Variants in ZNF808 observed in about 807,000 individuals in gnomAD.
ZNF808 encodes the protein zinc finger protein 808.
A neutral mutation model predicts 8.7 loss-of-function variants in ZNF808; 5 were observed. That is an observed-to-expected ratio of 0.58 (90% CI 0.30 to 1.21). The LOEUF (loss-of-function observed/expected upper bound fraction) is 1.21, where lower values mean the gene tolerates loss of function less well. Among genes scored for constraint, ZNF808 ranks in the 50% most tolerant of loss-of-function variants. The pLI is 0.07. For synonymous variants in ZNF808, 380 were observed against 366.0 expected (o/e 1.04, Z -0.44); for missense variants, 1,103 against 1,098.4 (o/e 1.00, Z -0.06).
chr19:52,530,321 A>G (rs184136596), intron 1 of ZNF808, among the ~76,000 whole-genome samples: 58 of 152,138 alleles, frequency 3.8e-4, no homozygotes, highest in African/African-American at 1.3e-3. Flanking sequence ...CGGCCTCCCA[A>G]AGTGCTGGGA....
At position 52,554,349 on chromosome 19, in the gene ZNF808, C is replaced by G. The variant is rs775721088; in HGVS notation, c.1433C>G (p.Thr478Ser). Residue 478 changes from threonine to serine, a missense_variant, in exon 5 of 5, where the codon ACT becomes AGT. Physicochemically the swap from Thr to Ser is moderately conservative, Grantham distance 58. Coordinates refer to ENST00000359798, the MANE Select transcript of ZNF808 (RefSeq NM_001039886.4). ...CTGGCACGACATAGAAGAATTCACACTGGAGAGAAAACTTACAAGTGTAAT... is the reference window on the plus strand; with the variant it reads ...CTGGCACGACATAGAAGAATTCACAGTGGAGAGAAAACTTACAAGTGTAAT... ...SQLARHRRIH[T>S]GEKTYKCNEC... is the part of the protein sequence containing the mutation. 6 of 1,613,768 alleles carry G rather than the reference C, an allele frequency of 3.7e-6. No homozygotes were observed. The highest frequency in any genetic ancestry group is 3.4e-6 in the Non-Finnish European group (4 of 1,179,982).
At chr19:52,541,064 G>A (rs2059665296) in intron 2 of ZNF808, among the ~76,000 whole-genome samples, 1 of 151,988 alleles carries the variant, frequency 6.6e-6, no homozygotes, top group Non-Finnish European at 1.5e-5. Context: ...CAATTCTTTT[G>A]CCTCAGCCTC....
intron 1 of ZNF808, among the ~76,000 whole-genome samples, chr19:52,529,368 C>G (rs998334865): frequency 3.3e-5 from 5 of 152,038 alleles, no homozygotes; most frequent in African/African-American, 9.7e-5. Context: ...GTCAACAGAG[C>G]GAGATCTTGT....
At chr19:52,531,887 T>G (rs1393656848) in intron 1 of ZNF808, among the ~76,000 whole-genome samples, 1 of 152,232 alleles carries the variant, frequency 6.6e-6, no homozygotes, top group Non-Finnish European at 1.5e-5. Context: ...TTATTCCTTT[T>G]AATGCTGTGT....
chr19:52,535,840 C>G (rs1399008217), intron 2 of ZNF808: 1 of 152,314 alleles, frequency 6.6e-6, no homozygotes, highest in African/African-American at 2.4e-5. Flanking sequence ...AAAACAGGCG[C>G]TGGGTGCGAG....
chr19:52,538,403 C>T (rs1046886253), intron 2 of ZNF808, among the ~76,000 whole-genome samples: 2 of 151,518 alleles, frequency 1.3e-5, no homozygotes, highest in African/African-American at 4.9e-5. Context: ...AGTGCAATGG[C>T]ACAATCTTGG....
At chr19:52,547,446 C>A in intron 3 of ZNF808, 66 bp from the exon 4 acceptor site, 6 of 1,605,770 alleles carry the variant, frequency 3.7e-6, no homozygotes, top group Non-Finnish European at 5.1e-6. Flanking sequence ...TCCCTTTTCT[C>A]ATTTCCTGTG....
At chr19:52,539,247 G>A (rs1165634529) in intron 2 of ZNF808, among the ~76,000 whole-genome samples, 1 of 147,572 alleles carries the variant, frequency 6.8e-6, no homozygotes, top group East Asian at 2.0e-4. Context: ...AGGCTGGAGT[G>A]GAGTGGAGCA....
rs750096219 is a variant in ZNF808 at position 52,547,527 on chromosome 19, A to C, written c.79A>C (p.Arg27=). ...MALPQGRLTF[R]DVAIEFSLAE... is the part of the protein sequence containing the mutation. The stretch of plus-strand genomic sequence containing the variant: ...TTCATTTTAGGGACGCTTGACTTTC[A>C]GGGATGTGGCTATAGAATTCTCATT... Residue 27 remains arginine (R), a synonymous_variant, in exon 4 of 5, where the codon AGG becomes CGG. Coordinates refer to ENST00000359798, the MANE Select transcript of ZNF808 (RefSeq NM_001039886.4). 5.6e-6 allele frequency: 9 copies of C among 1,613,898 alleles called. No individual in the cohort carries two copies. Among genetic ancestry groups the C allele is most frequent in the Middle Eastern group, 1.6e-4 (1 of 6,062 alleles).
At chr19:52,533,156 T>G (rs1315777360) in intron 2 of ZNF808, 147 bp downstream of exon 2, 4 of 152,248 alleles carry the variant, frequency 2.6e-5, no homozygotes, top group Non-Finnish European at 5.9e-5. Flanking sequence ...ATTTTCTGTT[T>G]TCTGAGGTAG....
At chr19:52,546,188 G>GT (rs35937083) in intron 3 of ZNF808, among the ~76,000 whole-genome samples, 39,790 of 140,596 alleles carry the variant, frequency 0.28, 4,208 homozygotes, top group East Asian at 0.48. Flanking sequence ...CATCATAACA[G>GT]TTTTTTTTTT....
At chr19:52,566,239 C>T (rs1223374825), downstream of ZNF808, among the ~76,000 whole-genome samples, 13 of 151,990 alleles carry the variant, frequency 8.6e-5, no homozygotes, top group Non-Finnish European at 1.6e-4. Context: ...GATCTCGGAT[C>T]ACTGAAACCT....
intron 2 of ZNF808, among the ~76,000 whole-genome samples, chr19:52,542,966 G>A (rs1012032737): frequency 6.6e-6 from 1 of 151,472 alleles, no homozygotes. Context: ...TTTGGGGGGG[G>A]GGTGGAGGCT....
intron 4 of ZNF808, among the ~76,000 whole-genome samples, chr19:52,551,747 G>A (rs138763341): frequency 0.071 from 10,739 of 152,010 alleles, 393 homozygotes; most frequent in Non-Finnish European, 0.078. Context: ...TCACACCTGT[G>A]ATCCCAGAAA....
At position 52,548,682 on chromosome 19, in the gene ZNF808, C is replaced by T. The variant is rs564587093; in HGVS notation, c.190+1044C>T. Among the ~76,000 whole-genome samples, 51 of 152,338 alleles carry T rather than the reference C, an allele frequency of 3.3e-4. No individual in the cohort carries two copies. The East Asian group carries it at 8.5e-3, about 25-fold the overall frequency. ...TGATGTGATTCAGCTGCCTTGGATT[C>T]CCAAAGTGCTGGGATTACAGGCATG... On this transcript the variant is annotated intron_variant, in intron 4 of 4. Transcript: ENST00000359798.
chr19:52,537,180 C>G (rs1001860438), intron 2 of ZNF808, among the ~76,000 whole-genome samples: 1 of 126,638 alleles, frequency 7.9e-6, no homozygotes, highest in Non-Finnish European at 1.5e-5. Context: ...GAGTGAAACT[C>G]TTTCTCAAAA....
rs747066303 is a variant in ZNF808 at position 52,554,937 on chromosome 19, G to T, written c.2021G>T (p.Gly674Val). The T allele has an allele frequency of 1.2e-6, 2 of 1,614,138 alleles. No individual in the cohort carries two copies. The highest frequency in any genetic ancestry group is 1.7e-6 in the Non-Finnish European group (2 of 1,180,012). ...SSLVWHRRLH[G>V]GEKSYKCKVC... is the part of the protein sequence containing the mutation. Reference sequence around the variant, plus strand: ...CTTGTATGGCATCGTAGACTTCATGGTGGAGAGAAATCTTACAAATGTAAG... The same window carrying T: ...CTTGTATGGCATCGTAGACTTCATGTTGGAGAGAAATCTTACAAATGTAAG... The change falls in exon 5 of 5, where the codon GGT becomes GTT. Residue 674 changes from glycine to valine, a missense_variant. Transcript: ENST00000359798.
At chr19:52,540,050 C>G (rs2123114037) in intron 2 of ZNF808, among the ~76,000 whole-genome samples, 1 of 151,996 alleles carries the variant, frequency 6.6e-6, no homozygotes, top group South Asian at 2.1e-4. Context: ...GACTCTCTGT[C>G]ACCCACTCTG....
At position 52,554,802 on chromosome 19, in the gene ZNF808, A is replaced by G. The variant is rs749955506; in HGVS notation, c.1886A>G (p.Asp629Gly). 9 of 1,614,014 alleles carry G rather than the reference A, an allele frequency of 5.6e-6. No individual in the cohort carries two copies. Among genetic ancestry groups the G allele is most frequent in the South Asian group, 4.4e-5 (4 of 91,072 alleles). The part of the protein sequence containing the change: ...GEKPYRCQVC[D>G]TAFTWNSQLA... ...AAACCATACAGATGTCAGGTTTGTG[A>G]CACAGCTTTCACGTGGAATTCACAG... Residue 629 changes from aspartate to glycine, a missense_variant, in exon 5 of 5, where the codon GAC (aspartate) becomes GGC (glycine). Asp to Gly is a moderately conservative substitution (Grantham distance 94). Coordinates refer to ENST00000359798, the MANE Select transcript of ZNF808 (RefSeq NM_001039886.4).
Sources: gnomAD v4.1 joint callset for allele counts (sites outside exome capture counted in the v4.1 genomes callset) on GRCh38, gnomAD v4.1.1 for gene constraint, MANE v1.5 for transcripts, NCBI Gene and HGNC (gene_info 2026-07-23, HGNC 2026-07-21) for gene names.